The following ARHGEF17 variants were observed in gnomAD, a reference collection of about 807,000 sequenced individuals.
The protein encoded by ARHGEF17 is 164 kDa Rho-specific guanine-nucleotide exchange factor.
In ARHGEF17, 80 loss-of-function variants were observed where a neutral mutation model predicts 174.0. That is an observed-to-expected ratio of 0.46 (90% CI 0.38 to 0.55). The LOEUF (loss-of-function observed/expected upper bound fraction) is 0.55, where lower values mean the gene tolerates loss of function less well. Among genes scored for constraint, ARHGEF17 ranks in the 20% least tolerant of loss-of-function variants. ARHGEF17 has a pLI of 0.00. For missense variants in ARHGEF17, 2,886 were observed against 2,839.7 expected, an observed-to-expected ratio of 1.02 and a Z score of -0.37; for synonymous variants, 1,311 against 1,189.1, an observed-to-expected ratio of 1.10 and a Z score of -2.11.
Position 73,365,383 on chromosome 11 carries a change from T to C in ARHGEF17, c.5551-7T>C. On this transcript the variant is annotated splice_polypyrimidine_tract_variant and splice_region_variant and intron_variant, in intron 18 of 20. Transcript: ENST00000263674. This position sits in a 1 kb window ranked among gnomAD's most constrained non-coding sequence, Gnocchi z 4.9. Reference sequence around the variant, plus strand: ...CAATGACCCATCTTCTCCCCCGCCTTCCCCAGCACATGTTTTACGTGGGTC... The same window carrying C: ...CAATGACCCATCTTCTCCCCCGCCTCCCCCAGCACATGTTTTACGTGGGTC... The C allele has an allele frequency of 6.2e-7, 1 of 1,613,732 alleles. No individual in the cohort carries two copies. The highest frequency in any genetic ancestry group is 8.5e-7 in the Non-Finnish European group (1 of 1,179,936).
At position 73,365,639 on chromosome 11, in the gene ARHGEF17, C is replaced by T. The variant is rs1466825197; in HGVS notation, c.5726-39C>T. The T allele has an allele frequency of 6.2e-7, 1 of 1,607,946 alleles. No individual in the cohort carries two copies. On this transcript the variant is annotated intron_variant, in intron 19 of 20. Coordinates refer to ENST00000263674, the MANE Select transcript of ARHGEF17 (RefSeq NM_014786.4). This position sits in a 1 kb window ranked among gnomAD's most constrained non-coding sequence, Gnocchi z 4.9. ...ATCGTAGAGGCGGCTGAGCCAGGGC[C>T]AGAATTCAGCCCCAGCTGTGGTCTG...
In ARHGEF17 at chr11:73,311,820, A is replaced by G. The variant is rs1406503729; in HGVS notation, c.3182A>G (p.Lys1061Arg). 4 of 1,603,106 alleles carry G rather than the reference A, an allele frequency of 2.5e-6. No individual in the cohort carries two copies. The South Asian group carries it at 3.3e-5, about 13-fold the overall frequency. Reference protein sequence around the residue: ...EPTPASKCCSKPQVDMRKHVA... With the variant: ...EPTPASKCCSRPQVDMRKHVA... The stretch of plus-strand genomic sequence containing the variant: ...ACCCCTGCCAGCAAGTGCTGCAGCA[A>G]GCCACAGGTGGTGAGTCCTTTGTAG... The change falls in exon 1 of 21, where the codon AAG (lysine) becomes AGG (arginine). Residue 1061 changes from lysine (K) to arginine (R), a missense_variant. Lys to Arg is a conservative substitution (Grantham distance 26). This residue lies in a region of ARHGEF17 where 353 missense variants were observed against 470.3 expected (regional missense o/e 0.75). Coordinates refer to ENST00000263674, the MANE Select transcript of ARHGEF17 (RefSeq NM_014786.4).
Position 73,365,926 on chromosome 11 carries a change from C to T in ARHGEF17, c.5974C>T (p.Pro1992Ser). 6.2e-7 allele frequency: 1 copy of T among 1,604,144 alleles called. No homozygotes were observed. The change falls in exon 20 of 21, where the codon CCA becomes TCA. Residue 1992 changes from proline (P) to serine (S), a missense_variant. Coordinates refer to ENST00000263674, the MANE Select transcript of ARHGEF17 (RefSeq NM_014786.4). The surrounding 1 kb of genome is among the most constrained non-coding windows in gnomAD (Gnocchi z 4.9). ...TGGCTTCAACCTGCTCTGCCCAACC[C>T]CACCACCTCCCCCAGACACAGGTGG... ...PDGFNLLCPT[P>S]PPPPDTGPEK...
chr11:73,323,761 C>T (rs891212998), intron 1 of ARHGEF17, among the ~76,000 whole-genome samples: 5 of 152,196 alleles, frequency 3.3e-5, no homozygotes, highest in African/African-American at 9.6e-5. Flanking sequence ...AAAATAGTCC[C>T]GGGCCTGGCC....
Position 73,356,365 on chromosome 11 carries a change from G to GCCCCACCCCACCCTACCCCA in ARHGEF17, c.3840+23_3840+42dup. ...GGCATGGAGGATGTGCGTGCGCCCT[G>GCCCCACCCCACCCTACCCCA]CCCCACCCCACCCTACCCCACCCCA... On this transcript the variant is annotated intron_variant, in intron 6 of 20. Transcript: ENST00000263674. 3 of 1,593,360 alleles carry GCCCCACCCCACCCTACCCCA rather than the reference G, an allele frequency of 1.9e-6. No homozygotes were observed. The highest frequency in any genetic ancestry group is 4.5e-5 in the East Asian group (2 of 44,316).
chr11:73,315,774 C>T (rs1174014491), intron 1 of ARHGEF17, among the ~76,000 whole-genome samples: 4 of 152,178 alleles, frequency 2.6e-5, no homozygotes, highest in Non-Finnish European at 5.9e-5. Context: ...GGAATGAGTC[C>T]TCCCCAGCGA....
rs1282772530 is a variant in ARHGEF17, at chr11:73,310,309, C to T, written c.1671C>T (p.Arg557=). Reference sequence around the variant, plus strand: ...GCTCTGAGAAGCCCATGGCCCGCCGCCTGCCCCGCACCAGTGCTCTGAAGT... The same window carrying T: ...GCTCTGAGAAGCCCATGGCCCGCCGTCTGCCCCGCACCAGTGCTCTGAAGT... ...FTCSEKPMAR[R]LPRTSALKSS... The change falls in exon 1 of 21, where the codon CGC becomes CGT. Residue 557 remains arginine (R), a synonymous_variant. Coordinates refer to ENST00000263674, the MANE Select transcript of ARHGEF17 (RefSeq NM_014786.4). 1.1e-5 allele frequency: 18 copies of T among 1,613,694 alleles called. No individual in the cohort carries two copies. Among genetic ancestry groups the T allele is most frequent in the Non-Finnish European group, 1.4e-5 (17 of 1,180,000 alleles).
At chr11:73,331,171 G>T (rs1224719843) in intron 1 of ARHGEF17, among the ~76,000 whole-genome samples, 1 of 152,196 alleles carries the variant, frequency 6.6e-6, no homozygotes, top group Non-Finnish European at 1.5e-5. Flanking sequence ...TGGACTTGCT[G>T]TGTGACCTTG....
At chr11:73,351,450 A>C (rs924376520) in intron 2 of ARHGEF17, among the ~76,000 whole-genome samples, 23 of 152,162 alleles carry the variant, frequency 1.5e-4, no homozygotes, top group African/African-American at 5.3e-4. Context: ...TTGACGTAAA[A>C]TAACGGGAGT....
Position 73,310,356 on chromosome 11 carries a change from T to A in ARHGEF17, c.1718T>A (p.Leu573His). The A allele has an allele frequency of 1.9e-6, 3 of 1,613,840 alleles. No homozygotes were observed. The highest frequency in any genetic ancestry group is 2.5e-6 in the Non-Finnish European group (3 of 1,179,980). ...ALKSSSSELL[L>H]TGPGAEEDPL... ...AAGTCCAGCTCCTCCGAGCTCCTGC[T>A]CACAGGCCCTGGTGCCGAGGAGGAT... The change falls in exon 1 of 21, where the codon CTC becomes CAC. Residue 573 changes from leucine (L) to histidine (H), a missense_variant. By Grantham distance (99) the Leu-to-His change is moderately conservative. Transcript: ENST00000263674.
chr11:73,355,745 C>T (rs1247388532), intron 4 of ARHGEF17, 96 bp downstream of exon 4: 10 of 1,555,198 alleles, frequency 6.4e-6, no homozygotes, highest in Non-Finnish European at 8.9e-6. Flanking sequence ...ATAGTCCCAG[C>T]CAGTGGGCCA....
In ARHGEF17 at chr11:73,309,998, GAA is replaced by G; in HGVS notation, c.1363_1364del (p.Lys455GlufsTer63). 1 of 1,614,114 alleles carries G rather than the reference GAA, an allele frequency of 6.2e-7. No individual in the cohort carries two copies. The highest frequency in any genetic ancestry group is 8.5e-7 in the Non-Finnish European group (1 of 1,180,012). ...RALRDGGFEPEKSRQRKSLSN... is the reference protein window; with the variant it reads ...RALRDGGFEPXKSRQRKSLSN... ...ATTGAGGGATGGAGGATTTGAGCCT[GAA>G]AAGAGTCGACAGCGGAAGTCCCTGT... is the stretch of plus-strand genomic sequence containing the variant. On this transcript the variant is annotated frameshift_variant, in exon 1 of 21. Transcript: ENST00000263674. LOFTEE classifies it high-confidence loss of function.
In ARHGEF17 at chr11:73,332,644, T is replaced by C. The variant is rs1865227242; in HGVS notation, c.3193-14239T>C. On this transcript the variant is annotated intron_variant, in intron 1 of 20. Transcript: ENST00000263674. ...TGGGCTGCTCCCGGGGTCACTCCCT[T>C]AGGCTAGAACATGCTCCTCTCTCCG... is the stretch of plus-strand genomic sequence containing the variant. Among the ~76,000 whole-genome samples the C allele has an allele frequency of 3.3e-5, 5 of 152,108 alleles. No homozygotes were observed. The South Asian group carries it at 1.0e-3, about 32-fold the overall frequency.
chr11:73,310,975 G>C lies in ARHGEF17; in HGVS notation c.2337G>C (p.Leu779Phe), dbSNP rs1289113197. The C allele has an allele frequency of 3.7e-6, 6 of 1,614,038 alleles. No individual in the cohort carries two copies. The highest frequency in any genetic ancestry group is 5.1e-6 in the Non-Finnish European group (6 of 1,180,026). The part of the protein sequence containing the change: ...LPATSAMDEG[L>F]TSGHSDWSVG... ...CCACCTCAGCCATGGATGAGGGCTT[G>C]ACCAGTGGTCACAGTGACTGGTCTG... Residue 779 changes from leucine (L) to phenylalanine (F), a missense_variant, in exon 1 of 21, where the codon TTG (leucine) becomes TTC (phenylalanine). Transcript: ENST00000263674.
At chr11:73,362,862 C>T in intron 14 of ARHGEF17, 128 bp downstream of exon 14, 1 of 1,195,724 alleles carries the variant, frequency 8.4e-7, no homozygotes, top group Non-Finnish European at 1.1e-6. Flanking sequence ...GCACACAGAG[C>T]AATGAGGGCA....
chr11:73,347,137 G>C (rs1865476690), intron 2 of ARHGEF17, 177 bp downstream of exon 2: 2 of 732,426 alleles, frequency 2.7e-6, no homozygotes, highest in Non-Finnish European at 4.8e-6. Flanking sequence ...AAGGAGGAAG[G>C]CTTCTCCCGG....
At chr11:73,341,526 G>A (rs2134407422) in intron 1 of ARHGEF17, among the ~76,000 whole-genome samples, 1 of 152,106 alleles carries the variant, frequency 6.6e-6, no homozygotes, top group Admixed American at 6.5e-5. Context: ...TGGTCAGGCT[G>A]GTCTCGAACT....
At chr11:73,322,237 G>A (rs978343123) in intron 1 of ARHGEF17, among the ~76,000 whole-genome samples, 6 of 152,180 alleles carry the variant, frequency 3.9e-5, no homozygotes, top group African/African-American at 1.4e-4. Flanking sequence ...GGTATCCCCC[G>A]CCTTTCCCTG....
intron 1 of ARHGEF17, among the ~76,000 whole-genome samples, chr11:73,322,171 G>C (rs1006044577): frequency 1.3e-5 from 2 of 152,318 alleles, no homozygotes; most frequent in South Asian, 2.1e-4. Context: ...TAAAGGTCCC[G>C]ATAGCTCCAT....
Sources: allele counts gnomAD v4.1 joint callset (sites outside exome capture counted in the v4.1 genomes callset), GRCh38; gene constraint gnomAD v4.1.1; regional missense constraint gnomAD v4.1.1; non-coding constraint Gnocchi (gnomAD v3.1); transcripts MANE v1.5; gene names NCBI Gene and HGNC (gene_info 2026-07-23, HGNC 2026-07-21).